Variants in SLC1A1 observed in about 807,000 individuals in gnomAD.
SLC1A1 encodes the protein solute carrier family 1 member 1.
A neutral mutation model predicts 53.3 loss-of-function variants in SLC1A1; 43 were observed. The observed-to-expected ratio is 0.81, with a 90% CI of 0.63 to 1.04. The LOEUF is 1.04. Among genes scored for constraint, SLC1A1 ranks in the 50% least tolerant of loss-of-function variants. SLC1A1 has a pLI of 0.00. For synonymous variants in SLC1A1, 307 were observed against 243.2 expected, an observed-to-expected ratio of 1.26 and a Z score of -2.44; for missense variants, 748 against 664.9, an observed-to-expected ratio of 1.12 and a Z score of -1.37.
At chr9:4,534,181 C>G (rs954464500) in intron 1 of SLC1A1, among the ~76,000 whole-genome samples, 4 of 152,084 alleles carry the variant, frequency 2.6e-5, no homozygotes, top group Non-Finnish European at 5.9e-5. Flanking sequence ...CATTCAAAAG[C>G]TAGCAGAAGG....
intron 1 of SLC1A1, among the ~76,000 whole-genome samples, chr9:4,503,474 T>C (rs907290540): frequency 1.3e-5 from 2 of 151,796 alleles, no homozygotes; most frequent in African/African-American, 4.9e-5. Context: ...GTGTGGTAAA[T>C]GCTGCAAGGA....
intron 2 of SLC1A1, among the ~76,000 whole-genome samples, chr9:4,553,118 C>T (rs1475577078): frequency 6.6e-6 from 1 of 152,130 alleles, no homozygotes; most frequent in African/African-American, 2.4e-5. Context: ...AAAAGTCTCA[C>T]TGAGCCATTA....
intron 1 of SLC1A1, among the ~76,000 whole-genome samples, chr9:4,529,641 G>T (rs1001432586): frequency 6.6e-6 from 1 of 152,102 alleles, no homozygotes; most frequent in Non-Finnish European, 1.5e-5. Context: ...AGGAATGAAG[G>T]ATGAATTAGA....
At chr9:4,573,394 T>G (rs1008473209) in intron 7 of SLC1A1, among the ~76,000 whole-genome samples, 1 of 152,110 alleles carries the variant, frequency 6.6e-6, no homozygotes, top group African/African-American at 2.4e-5. Flanking sequence ...AGAAGTACAT[T>G]AAATGAAATG....
intron 10 of SLC1A1, among the ~76,000 whole-genome samples, chr9:4,579,002 A>T (rs777872085): frequency 6.6e-6 from 1 of 152,234 alleles, no homozygotes; most frequent in African/African-American, 2.4e-5. Flanking sequence ...TCTAGGGATA[A>T]AATCAGAGTT....
At position 4,564,326 on chromosome 9, in the gene SLC1A1, C is replaced by T. The variant is rs553649179; in HGVS notation, c.326-18C>T. 49 of 1,567,560 alleles carry T rather than the reference C, an allele frequency of 3.1e-5. No homozygotes were observed. Among genetic ancestry groups the T allele is most frequent in the East Asian group, 9.0e-5 (4 of 44,548 alleles). On this transcript the variant is annotated intron_variant, in intron 3 of 11. Transcript: ENST00000262352. ...TGGAAGGTTCCTAATGCTCTGTGGA[C>T]GCTGTTCTTGGCCACAGGTATTGTG...
chr9:4,545,189 G>GTCTCTCTCTC (rs6150901), intron 2 of SLC1A1, among the ~76,000 whole-genome samples: 1,953 of 130,950 alleles, frequency 0.015, 38 homozygotes, highest in African/African-American at 0.029. Flanking sequence ...TACATTAGAT[G>GTCTCTCTCTC]TCTCTCTCTC....
intron 1 of SLC1A1, among the ~76,000 whole-genome samples, chr9:4,504,033 T>G (rs1820721612): frequency 6.6e-6 from 1 of 152,226 alleles, no homozygotes; most frequent in Admixed American, 6.5e-5. Flanking sequence ...GCTAACAGTT[T>G]TGAAGCCATT....
In SLC1A1 at chr9:4,585,946, T is replaced by C; in HGVS notation, c.*388T>C. On this transcript the variant is annotated 3_prime_UTR_variant, in exon 12 of 12. Transcript: ENST00000262352. ...TATTCTGTCATTGGTTACAAATTTT[T>C]ACTCAGGCTTTCTATTGGCATGGAT... 2.0e-4 allele frequency: 39 copies of C among 192,740 alleles called. No individual in the cohort carries two copies. Among genetic ancestry groups the C allele is most frequent in the South Asian group, 7.7e-4 (8 of 10,400 alleles). The allele number at this position is 192,740 out of a possible 1,614,324, so 11.9% of individuals were successfully genotyped here.
chr9:4,580,692 C>A (rs1821010497), intron 10 of SLC1A1, among the ~76,000 whole-genome samples: 1 of 135,246 alleles, frequency 7.4e-6, no homozygotes, highest in African/African-American at 2.8e-5. Context: ...GGATTTGGGG[C>A]CTAGAAAGAG....
intron 1 of SLC1A1, among the ~76,000 whole-genome samples, chr9:4,527,878 G>A (rs1204610788): frequency 6.6e-6 from 1 of 152,074 alleles, no homozygotes; most frequent in East Asian, 1.9e-4. Context: ...TTTAGAAAAT[G>A]CAAGAAATAA....
rs186334829 is a variant in SLC1A1 at position 4,562,775 on chromosome 9, C to A, written c.325+1234C>A. On this transcript the variant is annotated intron_variant, in intron 3 of 11. Coordinates refer to ENST00000262352, the MANE Select transcript of SLC1A1 (RefSeq NM_004170.6). The stretch of plus-strand genomic sequence containing the variant: ...TCATTTTTATGGCTGCATAGTATTC[C>A]ATGGTGTATATGTGCCACATTTTCT... Among the ~76,000 whole-genome samples the A allele has an allele frequency of 6.3e-3, 959 of 152,148 alleles. 9 individuals carry two copies. The highest frequency in any genetic ancestry group is 0.011 in the Non-Finnish European group (752 of 67,992).
Position 4,532,959 on chromosome 9 carries a change from A to T in SLC1A1, c.92-11608A>T, listed in dbSNP as rs556909358. On this transcript the variant is annotated intron_variant, in intron 1 of 11. Transcript: ENST00000262352. ...CAACCCAGAATTTCATATCCAGCCA[A>T]ACTAAGCTTCATAAGTGAAGGAGAA... is the stretch of plus-strand genomic sequence containing the variant. 1.1e-3 allele frequency among the ~76,000 whole-genome samples: 161 copies of T among 152,308 alleles called. 1 individual carries two copies. Among genetic ancestry groups the T allele is most frequent in the African/African-American group, 3.4e-3 (142 of 41,574 alleles).
At chr9:4,502,891 C>T (rs1313302910) in intron 1 of SLC1A1, among the ~76,000 whole-genome samples, 2 of 151,676 alleles carry the variant, frequency 1.3e-5, no homozygotes, top group African/African-American at 2.4e-5. Flanking sequence ...TTAGTCCTTT[C>T]CGCTACGCTT....
chr9:4,570,487 C>CA (rs1422938807), intron 6 of SLC1A1, among the ~76,000 whole-genome samples: 1 of 151,442 alleles, frequency 6.6e-6, no homozygotes, highest in African/African-American at 2.4e-5. Context: ...TTTTCTGCCT[C>CA]AGCCTCCCAA....
chr9:4,585,332 T>G lies in SLC1A1; in HGVS notation c.1349T>G (p.Val450Gly), dbSNP rs1031912901. ...DWLLDRFRTM[V>G]NVLGDAFGTG... ...CCCAGGGACCGGTTCAGGACCATGG[T>G]CAACGTCCTTGGTGATGCTTTTGGG... Residue 450 changes from valine (V) to glycine (G), a missense_variant, in exon 12 of 12, where the codon GTC becomes GGC. By Grantham distance (109) the Val-to-Gly change is moderately radical (BLOSUM62 -3). Transcript: ENST00000262352. 1.2e-6 allele frequency: 2 copies of G among 1,613,966 alleles called. No homozygotes were observed. The highest frequency in any genetic ancestry group is 3.3e-5 in the Admixed American group (2 of 60,022).
At chr9:4,585,239 T>TA in intron 11 of SLC1A1, 73 bp from the exon 12 acceptor site, 1 of 1,587,768 alleles carries the variant, frequency 6.3e-7, no homozygotes, top group Admixed American at 1.7e-5. Flanking sequence ...ACATGTCAGG[T>TA]CCTTGCATCT....
chr9:4,584,589 A>G (rs1821413977), intron 11 of SLC1A1, among the ~76,000 whole-genome samples: 1 of 152,186 alleles, frequency 6.6e-6, no homozygotes, highest in Non-Finnish European at 1.5e-5. Flanking sequence ...TAGTTTTCAC[A>G]AGATTCCCCC....
At chr9:4,494,824 C>T (rs971691006) in intron 1 of SLC1A1, among the ~76,000 whole-genome samples, 4 of 152,012 alleles carry the variant, frequency 2.6e-5, no homozygotes, top group Admixed American at 6.6e-5. Context: ...CTTCTTATAT[C>T]CTCACCCTAT....
Sources: gnomAD v4.1 joint callset for allele counts (sites outside exome capture counted in the v4.1 genomes callset) on GRCh38, gnomAD v4.1.1 for gene constraint, MANE v1.5 for transcripts, NCBI Gene and HGNC (gene_info 2026-07-23, HGNC 2026-07-21) for gene names.